Variants in NFYA observed in about 807,000 individuals in gnomAD.
The protein encoded by NFYA is CAAT-box DNA binding protein subunit A.
In NFYA, 28 loss-of-function variants were observed where a neutral mutation model predicts 52.8. That is an observed-to-expected ratio of 0.53 (90% CI 0.39 to 0.73). The LOEUF (loss-of-function observed/expected upper bound fraction) is 0.73, where lower values mean the gene tolerates loss of function less well. NFYA is among the 30% of genes least tolerant of loss of function. The pLI, the probability that NFYA is intolerant of heterozygous loss-of-function variation, is 0.00. For synonymous variants in NFYA, 150 were observed against 150.7 expected, an observed-to-expected ratio of 1.00 and a Z score of 0.03; for missense variants, 234 against 427.0, an observed-to-expected ratio of 0.55 and a Z score of 3.98.
chr6:41,081,034 G>A (rs1223420520), intron 3 of NFYA, 137 bp downstream of exon 3: 17 of 612,082 alleles, frequency 2.8e-5, no homozygotes, highest in Non-Finnish European at 4.6e-5. Flanking sequence ...TTGTCTTTGA[G>A]GCTTATAAGA....
chr6:41,100,527 G>A lies in NFYA; in HGVS notation c.*3117G>A, dbSNP rs1004931431. On this transcript the variant is annotated 3_prime_UTR_variant, in exon 10 of 10. Coordinates refer to ENST00000341376, the MANE Select transcript of NFYA (RefSeq NM_002505.5). ...AGCCCGAGGAAGCACTCAATGATGA[G>A]AGCAGTAGACCTGCCCTGGCAGATG... Among the ~76,000 whole-genome samples, 2 of 152,158 alleles carry A rather than the reference G, an allele frequency of 1.3e-5. No individual in the cohort carries two copies. The highest frequency in any genetic ancestry group is 4.8e-5 in the African/African-American group (2 of 41,432).
chr6:41,080,933 G>A, intron 3 of NFYA, 36 bp downstream of exon 3: 1 of 1,520,758 alleles, frequency 6.6e-7, no homozygotes, highest in Non-Finnish European at 9.1e-7. Context: ...AGCACTGCAT[G>A]AACTTCTCCT....
At chr6:41,075,388 T>C (rs1216553745) in intron 1 of NFYA, 1 of 152,228 alleles carries the variant, frequency 6.6e-6, no homozygotes, top group Non-Finnish European at 1.5e-5. Context: ...TAAAAATAGG[T>C]ATGTTCTGGT....
intron 1 of NFYA, among the ~76,000 whole-genome samples, chr6:41,078,058 T>C (rs1185049519): frequency 6.6e-6 from 1 of 152,000 alleles, no homozygotes; most frequent in African/African-American, 2.4e-5. Flanking sequence ...TCAAAGGAAT[T>C]TGAAAATAAA....
chr6:41,077,034 C>T (rs1763750852), intron 1 of NFYA, among the ~76,000 whole-genome samples: 1 of 152,066 alleles, frequency 6.6e-6, no homozygotes. Context: ...CCAGAATAAA[C>T]TAGTTAAGAA....
chr6:41,076,729 C>A (rs1242198206), intron 1 of NFYA, among the ~76,000 whole-genome samples: 1 of 152,204 alleles, frequency 6.6e-6, no homozygotes, highest in Non-Finnish European at 1.5e-5. Flanking sequence ...AAGAGCTAGA[C>A]AGACTAAATC....
At chr6:41,090,400 T>C (rs925572964) in intron 6 of NFYA, 91 bp downstream of exon 6, 1 of 687,256 alleles carries the variant, frequency 1.5e-6, no homozygotes, top group Non-Finnish European at 2.6e-6. Flanking sequence ...AGTGGTGAAC[T>C]TGACACTACA....
At chr6:41,091,823 T>G in intron 7 of NFYA, 129 bp downstream of exon 7, 10 of 993,632 alleles carry the variant, frequency 1.0e-5, no homozygotes, top group Non-Finnish European at 1.5e-5. Context: ...GGTAATCTAC[T>G]TTGACAATAA....
At position 41,101,035 on chromosome 6, in the gene NFYA, A is replaced by C. The variant is rs1764486719; in HGVS notation, c.*3625A>C. Reference sequence around the variant, plus strand: ...AGGCGGGCAGCCATGGTGACCGGCGAGCGGCATGCGACGCCGCCTCTGTGG... The same window carrying C: ...AGGCGGGCAGCCATGGTGACCGGCGCGCGGCATGCGACGCCGCCTCTGTGG... On this transcript the variant is annotated 3_prime_UTR_variant, in exon 10 of 10. Coordinates refer to ENST00000341376, the MANE Select transcript of NFYA (RefSeq NM_002505.5). 6.6e-6 allele frequency: 1 copy of C among 152,222 alleles called. No individual in the cohort carries two copies. The allele number at this position is 152,222 out of a possible 1,614,324, so 9.4% of individuals were successfully genotyped here. A position where few individuals can be genotyped will look rare whatever the true frequency, so the allele number is the denominator to read the frequency against.
At chr6:41,091,178 C>A (rs565523325) in intron 6 of NFYA, among the ~76,000 whole-genome samples, 1 of 152,338 alleles carries the variant, frequency 6.6e-6, no homozygotes, top group East Asian at 1.9e-4. Flanking sequence ...GTTTTAAAAT[C>A]TCTGTCCTGA....
rs892182663 is a variant in NFYA at position 41,098,138 on chromosome 6, C to T, written c.*728C>T. ...CCTGCTTGTCCCTCTGTTGACTGGT[C>T]ATCTGGACCATCGTACTTGCTGTGG... On this transcript the variant is annotated 3_prime_UTR_variant, in exon 10 of 10. Transcript: ENST00000341376. 6.5e-6 allele frequency: 1 copy of T among 152,696 alleles called. No homozygotes were observed. The highest frequency in any genetic ancestry group is 2.4e-5 in the African/African-American group (1 of 41,460). 9.5% of individuals were successfully genotyped at this position (152,696 alleles called of 1,614,324 possible).
At chr6:41,075,185 CG>C (rs1763700013) in intron 1 of NFYA, 1 of 152,240 alleles carries the variant, frequency 6.6e-6, no homozygotes, top group African/African-American at 2.4e-5. Context: ...GCCTTTGGAA[CG>C]TTTTTTTGTT....
intron 5 of NFYA, 87 bp downstream of exon 5, chr6:41,089,797 T>C: frequency 6.6e-7 from 1 of 1,518,480 alleles, no homozygotes; most frequent in Non-Finnish European, 8.9e-7. Context: ...ATAGCATGTA[T>C]AGTAGAAAAG....
At position 41,100,367 on chromosome 6, in the gene NFYA, CAA is replaced by C. The variant is rs1764465936; in HGVS notation, c.*2960_*2961del. 6.6e-6 allele frequency among the ~76,000 whole-genome samples: 1 copy of C among 152,184 alleles called. No individual in the cohort carries two copies. The highest frequency in any genetic ancestry group is 1.5e-5 in the Non-Finnish European group (1 of 68,022). ...ATTTTGTTTTGGCAGAAGACCAAAA[CAA>C]AAGTACTTTTCTGATTGTTAAAAAT... is the stretch of plus-strand genomic sequence containing the variant. On this transcript the variant is annotated 3_prime_UTR_variant, in exon 10 of 10. Coordinates refer to ENST00000341376, the MANE Select transcript of NFYA (RefSeq NM_002505.5).
intron 3 of NFYA, 77 bp from the exon 4 acceptor site, chr6:41,083,969 G>C (rs1018881855): frequency 4.0e-5 from 56 of 1,405,224 alleles, no homozygotes; most frequent in Non-Finnish European, 4.4e-5. Flanking sequence ...CAGCAGAATA[G>C]TTCCAGTGAT....
chr6:41,095,839 T>C (rs776007681), intron 9 of NFYA, among the ~76,000 whole-genome samples: 3 of 152,246 alleles, frequency 2.0e-5, no homozygotes, highest in African/African-American at 4.8e-5. Flanking sequence ...TTCTCTGTTA[T>C]ATTTATTGGA....
chr6:41,086,303 A>AGAT (rs1216642933), intron 4 of NFYA, among the ~76,000 whole-genome samples: 1 of 152,192 alleles, frequency 6.6e-6, no homozygotes, highest in African/African-American at 2.4e-5. Context: ...AATTTATATG[A>AGAT]GATGATATCT....
At chr6:41,085,540 A>G (rs1201730298) in intron 4 of NFYA, among the ~76,000 whole-genome samples, 1 of 152,150 alleles carries the variant, frequency 6.6e-6, no homozygotes, top group Non-Finnish European at 1.5e-5. Context: ...AGAGTATGAG[A>G]TAACTATTAG....
Position 41,100,498 on chromosome 6 carries a change from A to C in NFYA, c.*3088A>C, listed in dbSNP as rs1306418729. On this transcript the variant is annotated 3_prime_UTR_variant, in exon 10 of 10. Coordinates refer to ENST00000341376, the MANE Select transcript of NFYA (RefSeq NM_002505.5). ...ATGCCATTATCAACACACAAGAGAC[A>C]AACAGCCCGAGGAAGCACTCAATGA... Among the ~76,000 whole-genome samples the C allele has an allele frequency of 6.6e-6, 1 of 151,114 alleles. No homozygotes were observed. Among genetic ancestry groups the C allele is most frequent in the African/African-American group, 2.4e-5 (1 of 41,186 alleles).
Sources: allele counts gnomAD v4.1 joint callset (sites outside exome capture counted in the v4.1 genomes callset), GRCh38; gene constraint gnomAD v4.1.1; transcripts MANE v1.5; gene names NCBI Gene and HGNC (gene_info 2026-07-23, HGNC 2026-07-21).